Variants in C11orf65 observed in about 807,000 individuals in gnomAD.
C11orf65 encodes chromosome 11 open reading frame 65, also known as protein MFI.
C11orf65 carries 38 observed loss-of-function variants against 35.3 expected under a neutral mutation model. The ratio of observed to expected loss-of-function variants is 1.08; its 90% CI spans 0.83 to 1.41. The LOEUF is 1.41. Among genes scored for constraint, C11orf65 ranks in the 40% most tolerant of loss-of-function variants. The pLI is 0.00. For synonymous variants in C11orf65, 105 were observed against 114.4 expected (o/e 0.92, Z 0.53); for missense variants, 370 against 367.1 (o/e 1.01, Z -0.06).
chr11:108,327,992 TC>T (rs2085855301), downstream of C11orf65, among the ~76,000 whole-genome samples: 1 of 152,170 alleles, frequency 6.6e-6, no homozygotes, highest in Non-Finnish European at 1.5e-5. Context: ...CCTTCCTACC[TC>T]CACTACCAGC....
intron 6 of C11orf65, among the ~76,000 whole-genome samples, chr11:108,398,784 A>C (rs1219182877): frequency 6.6e-6 from 1 of 152,228 alleles, no homozygotes; most frequent in African/African-American, 2.4e-5. Flanking sequence ...TATTAGAGGC[A>C]ATGTTGTATG....
intron 1 of C11orf65, among the ~76,000 whole-genome samples, chr11:108,466,476 A>G (rs530562700): frequency 6.6e-6 from 1 of 152,304 alleles, no homozygotes; most frequent in South Asian, 2.1e-4. Flanking sequence ...CGGAAGGCTG[A>G]GGCAGGAGAA....
chr11:108,399,111 T>C (rs1042629888), intron 6 of C11orf65, among the ~76,000 whole-genome samples: 1 of 152,076 alleles, frequency 6.6e-6, no homozygotes, highest in Non-Finnish European at 1.5e-5. Context: ...CCTGGCCACT[T>C]TGGACAAGAC....
chr11:108,309,306 C>A (rs557362608), intron 6 of C11orf65, among the ~76,000 whole-genome samples: 7 of 152,298 alleles, frequency 4.6e-5, no homozygotes, highest in African/African-American at 1.7e-4. Context: ...GAAATTATTT[C>A]ACTTCTCTGA....
rs544775509 is a variant in C11orf65, at chr11:108,441,415, A to G, written c.82-9577T>C. ...TGGGGGCAGGGCATAGCTGAACAAA[A>G]GGCAGCAGAAACTTCTGCAGACTTA... is the stretch of plus-strand genomic sequence containing the variant. On this transcript the variant is annotated intron_variant, in intron 2 of 8. Transcript: ENST00000393084. Among the ~76,000 whole-genome samples, 257 of 152,368 alleles carry G rather than the reference A, an allele frequency of 1.7e-3. 1 individual carries two copies. The highest frequency in any genetic ancestry group is 3.4e-3 in the Middle Eastern group (1 of 294).
intron 1 of C11orf65, among the ~76,000 whole-genome samples, chr11:108,465,354 C>T (rs1156746689): frequency 2.6e-5 from 4 of 151,906 alleles, no homozygotes; most frequent in African/African-American, 9.7e-5. Flanking sequence ...TATGAATACA[C>T]AAAATATAGA....
At chr11:108,330,273 AAG>A (rs1591160284), downstream of C11orf65, 2 of 1,614,188 alleles carry the variant, frequency 1.2e-6, no homozygotes, top group Non-Finnish European at 1.7e-6. Flanking sequence ...CGTGCACTGA[AAG>A]AGGATCGTAA....
intron 3 of C11orf65, among the ~76,000 whole-genome samples, chr11:108,417,038 A>G (rs2092743446): frequency 6.6e-6 from 1 of 152,240 alleles, no homozygotes; most frequent in African/African-American, 2.4e-5. Context: ...TAAAAGAATG[A>G]TAATATATAG....
chr11:108,380,191 C>G (rs2091840646), downstream of C11orf65, among the ~76,000 whole-genome samples: 1 of 152,208 alleles, frequency 6.6e-6, no homozygotes, highest in Non-Finnish European at 1.5e-5. Context: ...CAAGCTAAAA[C>G]TGCATTGATG....
At chr11:108,453,992 T>C (rs56002224) in intron 2 of C11orf65, among the ~76,000 whole-genome samples, 8,228 of 152,276 alleles carry the variant, frequency 0.054, 727 homozygotes, top group African/African-American at 0.18. Context: ...CTTCTTTAAA[T>C]ATTTAGTAGA....
rs373900891 is a variant in C11orf65 at position 108,375,715 on chromosome 11, G to A, written c.226+17493C>T. On this transcript the variant is annotated intron_variant, in intron 2 of 3. Coordinates refer to the C11orf65 transcript ENST00000524755. ...CAAATTGGATAAAGAGTCAAGACCC[G>A]TCAGTGTGCTGTATTCAGGAAACCC... is the stretch of plus-strand genomic sequence containing the variant. 2.3e-3 allele frequency among the ~76,000 whole-genome samples: 350 copies of A among 151,936 alleles called. 1 individual carries two copies. The highest frequency in any genetic ancestry group is 7.0e-3 in the African/African-American group (289 of 41,390).
At position 108,321,744 on chromosome 11, in the gene C11orf65, C is replaced by T. The variant is rs4988095; in HGVS notation, c.641-12673G>A. On this transcript the variant is annotated intron_variant, in intron 6 of 6. Coordinates refer to the C11orf65 transcript ENST00000525729. The stretch of plus-strand genomic sequence containing the variant: ...CAGAGGTTGTGGTGAGCCGAGATTG[C>T]GCCATGGATTCCAGCCTGGGCAACA... 0.021 allele frequency among the ~76,000 whole-genome samples: 3,159 copies of T among 151,344 alleles called. 118 individuals are homozygous for T. The highest frequency in any genetic ancestry group is 0.071 in the African/African-American group (2,927 of 41,204).
At chr11:108,384,763 G>C (rs2091949746) in intron 8 of C11orf65, among the ~76,000 whole-genome samples, 1 of 152,164 alleles carries the variant, frequency 6.6e-6, no homozygotes, top group South Asian at 2.1e-4. Flanking sequence ...AACAGAGTGA[G>C]ACCCTGTCTC....
intron 6 of C11orf65, among the ~76,000 whole-genome samples, chr11:108,393,895 C>G (rs372975727): frequency 3.3e-5 from 5 of 152,076 alleles, no homozygotes; most frequent in Non-Finnish European, 7.4e-5. Context: ...TAAAAAGACA[C>G]AGCCAGGCCC....
At chr11:108,311,110 G>T (rs1459154370) in intron 6 of C11orf65, among the ~76,000 whole-genome samples, 2 of 151,908 alleles carry the variant, frequency 1.3e-5, no homozygotes, top group African/African-American at 4.8e-5. Context: ...GGGACTATAG[G>T]CACACACCAC....
intron 2 of C11orf65, among the ~76,000 whole-genome samples, chr11:108,456,444 T>C (rs945226715): frequency 4.6e-5 from 7 of 152,044 alleles, no homozygotes; most frequent in African/African-American, 1.7e-4. Flanking sequence ...CTGACTAGGT[T>C]AGACAAAATT....
chr11:108,431,277 A>G (rs368097056), intron 3 of C11orf65, among the ~76,000 whole-genome samples: 21 of 152,316 alleles, frequency 1.4e-4, no homozygotes, highest in South Asian at 6.2e-4. Context: ...AAGTCAATCA[A>G]CTGTAGAATG....
At chr11:108,314,376 G>C (rs1399284790) in intron 6 of C11orf65, among the ~76,000 whole-genome samples, 1 of 152,072 alleles carries the variant, frequency 6.6e-6, no homozygotes, top group Non-Finnish European at 1.5e-5. Flanking sequence ...AAAGTACTGG[G>C]ATTAAAGATG....
chr11:108,321,510 C>T lies in C11orf65; in HGVS notation c.641-12439G>A, dbSNP rs529993536. 188 of 1,575,608 alleles carry T rather than the reference C, an allele frequency of 1.2e-4. 1 individual carries two copies. Among genetic ancestry groups the T allele is most frequent in the South Asian group, 4.8e-4 (43 of 90,028 alleles). On this transcript the variant is annotated intron_variant, in intron 6 of 6. Coordinates refer to the C11orf65 transcript ENST00000525729. ...AAAAATAAAAACTATAGGCCGGGCA[C>T]GGTGGCTCATGCCTGTAATCCTAGC...
Sources: gnomAD v4.1 joint callset for allele counts (sites outside exome capture counted in the v4.1 genomes callset) on GRCh38, gnomAD v4.1.1 for gene constraint, MANE v1.5 for transcripts, NCBI Gene and HGNC (gene_info 2026-07-23, HGNC 2026-07-21) for gene names.